ZMYM2: variants seen among roughly 807,000 people sequenced by gnomAD.
ZMYM2 encodes zinc finger MYM-type containing 2.
In ZMYM2, 56 loss-of-function variants were observed where a neutral mutation model predicts 162.8. That is an observed-to-expected ratio of 0.34 (90% CI 0.28 to 0.43). The LOEUF (loss-of-function observed/expected upper bound fraction) is 0.43, where lower values mean the gene tolerates loss of function less well. Among genes scored for constraint, ZMYM2 ranks in the 20% least tolerant of loss-of-function variants. The probability of loss-of-function intolerance (pLI) is 1.00; values close to 1 mark genes in which losing one functional copy is unlikely to be tolerated. For missense variants in ZMYM2, 1,275 were observed against 1,621.8 expected, an observed-to-expected ratio of 0.79 and a Z score of 3.67; for synonymous variants, 510 against 541.6, an observed-to-expected ratio of 0.94 and a Z score of 0.81.
intron 7 of ZMYM2, chr13:20,024,347 C>T (rs766512826): frequency 2.5e-5 from 5 of 203,262 alleles, no homozygotes; most frequent in Non-Finnish European, 4.0e-5. Context: ...ATAAAATCAG[C>T]GTTGGGATCA....
At chr13:19,976,990 A>G (rs146040472) in intron 2 of ZMYM2, among the ~76,000 whole-genome samples, 1 of 152,340 alleles carries the variant, frequency 6.6e-6, no homozygotes, top group East Asian at 1.9e-4. Context: ...GAACTGCTGT[A>G]TCTTCTTGCT....
the ZMYM2 span, among the ~76,000 whole-genome samples, chr13:19,949,332 G>A: frequency 6.6e-5 from 10 of 151,912 alleles, no homozygotes; most frequent in Non-Finnish European, 1.2e-4. Flanking sequence ...TGCTTGAACC[G>A]GGACCTGGGA....
At chr13:19,999,915 A>G (rs1043325048) in intron 3 of ZMYM2, among the ~76,000 whole-genome samples, 1 of 152,170 alleles carries the variant, frequency 6.6e-6, no homozygotes, top group Non-Finnish European at 1.5e-5. Flanking sequence ...CTCCCATCTC[A>G]GCCTCCCGAG....
chr13:19,935,584 T>G, the ZMYM2 span, among the ~76,000 whole-genome samples: 1 of 152,224 alleles, frequency 6.6e-6, no homozygotes, highest in African/African-American at 2.4e-5. Flanking sequence ...GTTTGTTTGT[T>G]TTTTGGATAG....
At chr13:20,020,863 T>C (rs981718608) in intron 7 of ZMYM2, among the ~76,000 whole-genome samples, 4 of 152,128 alleles carry the variant, frequency 2.6e-5, no homozygotes, top group African/African-American at 9.7e-5. Flanking sequence ...AAAAGTTCCA[T>C]TTGTCTCTTT....
At chr13:20,039,508 C>G (rs1289411004) in intron 12 of ZMYM2, among the ~76,000 whole-genome samples, 1 of 137,988 alleles carries the variant, frequency 7.2e-6, no homozygotes, top group East Asian at 2.2e-4. Flanking sequence ...GTGTCTCTCT[C>G]TGTTGCCCAG....
In ZMYM2 at chr13:20,051,533, G is replaced by A. The variant is rs774666308; in HGVS notation, c.2393G>A (p.Arg798His). 23 of 1,613,314 alleles carry A rather than the reference G, an allele frequency of 1.4e-5. No individual in the cohort carries two copies. The highest frequency in any genetic ancestry group is 1.3e-5 in the African/African-American group (1 of 74,884). ...KHFCDQHCLLRFYCQQNEPNM... is the reference protein window; with the variant it reads ...KHFCDQHCLLHFYCQQNEPNM... The stretch of plus-strand genomic sequence containing the variant: ...TTCTGTGATCAACATTGCTTACTGC[G>A]TTTCTACTGTCAACAAAATGAGCCC... Residue 798 changes from arginine to histidine, a missense_variant, in exon 13 of 25, where the codon CGT becomes CAT. Physicochemically the swap from Arg to His is conservative, Grantham distance 29 (BLOSUM62 0). This residue lies in a region of ZMYM2 where 177 missense variants were observed against 228.0 expected (regional missense o/e 0.78). Transcript: ENST00000610343.
At chr13:19,916,691 A>G in the ZMYM2 span, among the ~76,000 whole-genome samples, 2 of 135,690 alleles carry the variant, frequency 1.5e-5, no homozygotes, top group Non-Finnish European at 3.1e-5. Flanking sequence ...GGCAGGGAAC[A>G]TCACACACCG....
the ZMYM2 span, chr13:19,864,827 A>C: frequency 6.7e-6 from 1 of 150,230 alleles, no homozygotes; most frequent in Non-Finnish European, 1.5e-5. Context: ...GGCCACCTCC[A>C]CGAGGGGTCT....
intron 24 of ZMYM2, 121 bp downstream of exon 24, chr13:20,083,897 T>A: frequency 1.0e-6 from 1 of 974,768 alleles, no homozygotes; most frequent in Non-Finnish European, 1.5e-6. Context: ...CTCTCTCAGT[T>A]ATACCCAAGT....
At chr13:19,937,181 T>A in the ZMYM2 span, among the ~76,000 whole-genome samples, 5 of 152,108 alleles carry the variant, frequency 3.3e-5, no homozygotes, top group African/African-American at 1.2e-4. Context: ...ATAGTTTTGT[T>A]CTTGTCGCCC....
intron 21 of ZMYM2, among the ~76,000 whole-genome samples, chr13:20,074,475 A>G (rs1957339856): frequency 6.6e-6 from 1 of 151,514 alleles, no homozygotes; most frequent in African/African-American, 2.4e-5. Context: ...GGCCCAAGCA[A>G]TCCACCTTCC....
Position 20,062,730 on chromosome 13 carries a change from A to G in ZMYM2, c.2912-116A>G, listed in dbSNP as rs187349096. ...ATATGCCCTTTTCTTTTGTGACATTATACGTATTTTTTTATATTGCATTTA... is the reference window on the plus strand; with the variant it reads ...ATATGCCCTTTTCTTTTGTGACATTGTACGTATTTTTTTATATTGCATTTA... On this transcript the variant is annotated intron_variant, in intron 17 of 24. Transcript: ENST00000610343. The G allele has an allele frequency of 2.3e-5, 24 of 1,060,624 alleles. No individual in the cohort carries two copies. The East Asian group carries it at 6.0e-4, about 27-fold the overall frequency. 65.7% of individuals were successfully genotyped at this position (1,060,624 alleles called of 1,614,324 possible).
the ZMYM2 span, among the ~76,000 whole-genome samples, chr13:19,887,346 T>C: frequency 6.6e-6 from 1 of 151,270 alleles, no homozygotes; most frequent in African/African-American, 2.4e-5. Flanking sequence ...CTGGCCAACA[T>C]GGTGAAACCT....
In ZMYM2 at chr13:20,062,483, A is replaced by C. The variant is rs552886165; in HGVS notation, c.2912-363A>C. Among the ~76,000 whole-genome samples the C allele has an allele frequency of 5.3e-5, 8 of 152,298 alleles. No homozygotes were observed. The South Asian group carries it at 1.7e-3, about 32-fold the overall frequency. On this transcript the variant is annotated intron_variant, in intron 17 of 24. Coordinates refer to ENST00000610343, the MANE Select transcript of ZMYM2 (RefSeq NM_197968.4). ...CTGAGAAACCTGGGTCAAAATTCAA[A>C]GAGTATTGAAAACTACAGTTGTCTA...
intron 12 of ZMYM2, among the ~76,000 whole-genome samples, chr13:20,046,051 G>A (rs1389664904): frequency 6.6e-6 from 1 of 151,160 alleles, no homozygotes; most frequent in African/African-American, 2.4e-5. Context: ...AGACCAGCCT[G>A]GGGAACATAG....
chr13:20,003,001 C>G lies in ZMYM2; in HGVS notation c.999C>G (p.Asn333Lys). ...PTKPVKVTCA[N>K]CKKPLQKGQT... is the part of the protein sequence containing the mutation. ...AACCAGTTAAAGTCACTTGTGCAAA[C>G]TGCAAAAAACCTTTACAGAAGGGCC... The change falls in exon 4 of 25, where the codon AAC (asparagine) becomes AAG (lysine). Residue 333 changes from asparagine (N) to lysine (K), a missense_variant. Physicochemically the swap from Asn to Lys is moderately conservative, Grantham distance 94. Transcript: ENST00000610343. 1 of 1,614,140 alleles carries G rather than the reference C, an allele frequency of 6.2e-7. No homozygotes were observed. The highest frequency in any genetic ancestry group is 1.1e-5 in the South Asian group (1 of 91,086).
At chr13:20,057,380 C>T (rs1014051642) in intron 14 of ZMYM2, among the ~76,000 whole-genome samples, 5 of 151,966 alleles carry the variant, frequency 3.3e-5, no homozygotes, top group Admixed American at 6.6e-5. Flanking sequence ...TTAGGTGATC[C>T]GCCTGTCCCG....
chr13:20,022,616 CAGT>C (rs2140207575), intron 7 of ZMYM2, among the ~76,000 whole-genome samples: 1 of 152,136 alleles, frequency 6.6e-6, no homozygotes, highest in African/African-American at 2.4e-5. Flanking sequence ...GTAAATTAAA[CAGT>C]AATAGAGAAA....
Sources: gnomAD v4.1 joint callset for allele counts (sites outside exome capture counted in the v4.1 genomes callset) on GRCh38, gnomAD v4.1.1 for gene constraint, gnomAD v4.1.1 regional missense constraint, MANE v1.5 for transcripts, NCBI Gene and HGNC (gene_info 2026-07-23, HGNC 2026-07-21) for gene names.